SNX13: variants seen among roughly 807,000 people sequenced by gnomAD.
SNX13 encodes sorting nexin 13.
In SNX13, 45 loss-of-function variants were observed where a neutral mutation model predicts 133.6. That is an observed-to-expected ratio of 0.34 (90% CI 0.27 to 0.43). The LOEUF (loss-of-function observed/expected upper bound fraction) is 0.43. Ranked by LOEUF, SNX13 falls within the 20% of genes least tolerant of loss-of-function variation. The pLI, the probability that SNX13 is intolerant of heterozygous loss-of-function variation, is 1.00. For synonymous variants in SNX13, 414 were observed against 373.9 expected (o/e 1.11, Z -1.24); for missense variants, 1,032 against 1,145.1 (o/e 0.90, Z 1.43).
intron 11 of SNX13, among the ~76,000 whole-genome samples, chr7:17,849,890 G>A (rs1057119112): frequency 2.0e-5 from 3 of 152,042 alleles, no homozygotes; most frequent in Non-Finnish European, 4.4e-5. Flanking sequence ...TTCTCTATAC[G>A]CTACTTTGCT....
intron 9 of SNX13, chr7:17,868,195 A>C: frequency 2.0e-6 from 1 of 497,196 alleles, no homozygotes; most frequent in South Asian, 3.0e-5. Flanking sequence ...CATAACCGCA[A>C]GGAAGATAAT....
At chr7:17,806,831 G>A (rs1031011537) in intron 20 of SNX13, among the ~76,000 whole-genome samples, 2 of 152,220 alleles carry the variant, frequency 1.3e-5, no homozygotes, top group East Asian at 1.9e-4. Flanking sequence ...GTGGGGCGTC[G>A]CGTCACGCGG....
intron 1 of SNX13, among the ~76,000 whole-genome samples, chr7:17,935,988 T>C (rs1801976412): frequency 6.6e-6 from 1 of 152,210 alleles, no homozygotes; most frequent in Non-Finnish European, 1.5e-5. Context: ...AGCGTGGATG[T>C]ATGATGTATG....
At chr7:17,826,880 T>A (rs776084996) in intron 16 of SNX13, among the ~76,000 whole-genome samples, 47 of 152,120 alleles carry the variant, frequency 3.1e-4, no homozygotes, top group Non-Finnish European at 6.5e-4. Flanking sequence ...CATGGCAGCC[T>A]GAAACTGCTC....
intron 1 of SNX13, among the ~76,000 whole-genome samples, chr7:17,931,961 G>A (rs775335768): frequency 6.6e-6 from 1 of 152,156 alleles, no homozygotes; most frequent in Non-Finnish European, 1.5e-5. Context: ...AGAGACTGTG[G>A]TAGCAGCTGC....
intron 9 of SNX13, 129 bp from the exon 10 acceptor site, chr7:17,851,093 AG>A (rs1791146946): frequency 1.1e-6 from 1 of 925,174 alleles, no homozygotes; most frequent in Non-Finnish European, 1.6e-6. Context: ...AAAAGAAAAA[AG>A]TTCTATATTT....
chr7:17,837,143 A>G (rs1317203001), intron 13 of SNX13, among the ~76,000 whole-genome samples: 1 of 151,958 alleles, frequency 6.6e-6, no homozygotes, highest in Non-Finnish European at 1.5e-5. Context: ...TTTAAAAAAA[A>G]AATTTTTTAA....
chr7:17,849,296 T>G (rs1790924434), intron 11 of SNX13, among the ~76,000 whole-genome samples: 2 of 152,166 alleles, frequency 1.3e-5, no homozygotes, highest in African/African-American at 4.8e-5. Flanking sequence ...TATTTTTTCT[T>G]TCTCACCCCA....
intron 17 of SNX13, among the ~76,000 whole-genome samples, chr7:17,825,678 C>G (rs948357697): frequency 1.3e-5 from 2 of 152,002 alleles, no homozygotes; most frequent in Non-Finnish European, 2.9e-5. Flanking sequence ...AAAACTAATC[C>G]TGAACTAAGA....
chr7:17,852,906 C>A (rs1228868432), intron 9 of SNX13, among the ~76,000 whole-genome samples: 1 of 152,162 alleles, frequency 6.6e-6, no homozygotes, highest in African/African-American at 2.4e-5. Context: ...TGCATAGATA[C>A]AGGTTATGAA....
intron 20 of SNX13, among the ~76,000 whole-genome samples, chr7:17,811,741 A>G (rs1412127413): frequency 6.6e-6 from 1 of 152,220 alleles, no homozygotes; most frequent in Non-Finnish European, 1.5e-5. Flanking sequence ...ACCTGACTTC[A>G]AACTATACTA....
At chr7:17,889,070 A>G (rs577492638) in intron 5 of SNX13, 1 of 166,886 alleles carries the variant, frequency 6.0e-6, no homozygotes, top group African/African-American at 2.4e-5. Context: ...GTTGCTATAG[A>G]AAGCAATAAA....
intron 5 of SNX13, among the ~76,000 whole-genome samples, chr7:17,884,871 T>C (rs1216156908): frequency 1.3e-5 from 2 of 151,404 alleles, no homozygotes; most frequent in East Asian, 3.8e-4. Flanking sequence ...CAATAATAAC[T>C]TAAGTGTTGG....
At chr7:17,835,565 G>T (rs1236804815) in intron 13 of SNX13, among the ~76,000 whole-genome samples, 2 of 151,936 alleles carry the variant, frequency 1.3e-5, no homozygotes, top group Non-Finnish European at 2.9e-5. Context: ...TGAAAAGCTA[G>T]ACATGTCAAC....
intron 16 of SNX13, among the ~76,000 whole-genome samples, chr7:17,827,279 T>C (rs1245241457): frequency 1.3e-5 from 2 of 152,022 alleles, no homozygotes; most frequent in African/African-American, 2.4e-5. Context: ...ACACCGAACA[T>C]ATATAATCTA....
chr7:17,904,529 T>C (rs1286406339), intron 1 of SNX13, among the ~76,000 whole-genome samples: 1 of 152,218 alleles, frequency 6.6e-6, no homozygotes, highest in African/African-American at 2.4e-5. Context: ...TTAGATCAGC[T>C]GTTTTATACC....
At chr7:17,813,587 C>CTT (rs1013139810) in intron 20 of SNX13, among the ~76,000 whole-genome samples, 45 of 138,436 alleles carry the variant, frequency 3.3e-4, no homozygotes, top group African/African-American at 9.2e-4. Flanking sequence ...ATATGAACTC[C>CTT]TTTTTTTTTT....
At chr7:17,875,382 CTAAG>C in intron 7 of SNX13, 94 bp downstream of exon 7, 2 of 868,004 alleles carry the variant, frequency 2.3e-6, no homozygotes, top group Non-Finnish European at 1.8e-6. Flanking sequence ...GCTACCTGCC[CTAAG>C]TAAGAATAAT....
At chr7:17,935,799 G>T (rs763389446) in intron 1 of SNX13, among the ~76,000 whole-genome samples, 2 of 152,118 alleles carry the variant, frequency 1.3e-5, no homozygotes, top group Non-Finnish European at 2.9e-5. Context: ...AATGCCAGTG[G>T]ACCTATGGTC....
Sources: gnomAD v4.1 joint callset for allele counts (sites outside exome capture counted in the v4.1 genomes callset) on GRCh38, gnomAD v4.1.1 for gene constraint, MANE v1.5 for transcripts, NCBI Gene and HGNC (gene_info 2026-07-23, HGNC 2026-07-21) for gene names.